The following MGRN1 variants were observed in gnomAD, a reference collection of about 807,000 sequenced individuals.
MGRN1 encodes mahogunin ring finger 1, also known as E3 ubiquitin-protein ligase MGRN1.
In MGRN1, 29 loss-of-function variants were observed where a neutral mutation model predicts 69.2. The ratio of observed to expected loss-of-function variants is 0.42; its 90% CI spans 0.31 to 0.57. The LOEUF is 0.57. Ranked by LOEUF, MGRN1 falls within the 20% of genes least tolerant of loss-of-function variation. The pLI, the probability that MGRN1 is intolerant of heterozygous loss-of-function variation, is 0.15. For synonymous variants in MGRN1, 470 were observed against 344.2 expected (o/e 1.37, Z -4.04); for missense variants, 998 against 796.2 (o/e 1.25, Z -3.05).
chr16:4,646,944 C>T (rs1267351390), intron 1 of MGRN1, among the ~76,000 whole-genome samples: 3 of 152,200 alleles, frequency 2.0e-5, no homozygotes, highest in Admixed American at 6.5e-5. Flanking sequence ...CAAGCCCGCT[C>T]CTGAGTGTCC....
At chr16:4,625,955 C>T (rs1204524301) in intron 1 of MGRN1, among the ~76,000 whole-genome samples, 1 of 152,204 alleles carries the variant, frequency 6.6e-6, no homozygotes, top group South Asian at 2.1e-4. Flanking sequence ...TCCTGGGTGT[C>T]TCCGGACACC....
intron 8 of MGRN1, chr16:4,669,111 C>G (rs1043094057): frequency 2.6e-5 from 4 of 152,128 alleles, no homozygotes; most frequent in African/African-American, 9.7e-5. Context: ...ACTGGTCTTC[C>G]TAGGCTACCC....
chr16:4,636,765 G>C (rs1029662872), intron 1 of MGRN1, among the ~76,000 whole-genome samples: 1 of 151,908 alleles, frequency 6.6e-6, no homozygotes, highest in Non-Finnish European at 1.5e-5. Context: ...TTCTCTATGC[G>C]AATTGGCCAT....
At chr16:4,677,654 C>G in intron 11 of MGRN1, 82 bp downstream of exon 11, 1 of 1,320,178 alleles carries the variant, frequency 7.6e-7, no homozygotes, top group Non-Finnish European at 1.1e-6. Flanking sequence ...GACGGTCCAG[C>G]CAGCAGCCCC....
intron 16 of MGRN1, chr16:4,686,257 A>C (rs756740119): frequency 6.5e-7 from 1 of 1,543,410 alleles, no homozygotes; most frequent in South Asian, 1.2e-5. Context: ...CTCTCCGCGC[A>C]GCCCTGGGGC....
At chr16:4,663,372 T>TG (rs1379485139) in intron 5 of MGRN1, among the ~76,000 whole-genome samples, 4 of 128,960 alleles carry the variant, frequency 3.1e-5, no homozygotes, top group Non-Finnish European at 5.3e-5. Flanking sequence ...CTTGTTTTTT[T>TG]TTTTTTTTTT....
chr16:4,664,647 G>T, intron 5 of MGRN1, 62 bp from the exon 6 acceptor site: 1 of 1,566,590 alleles, frequency 6.4e-7, no homozygotes, highest in South Asian at 1.1e-5. Flanking sequence ...TTTGTTGACC[G>T]ACTCCAGGCT....
intron 16 of MGRN1, chr16:4,686,917 C>T (rs2079333927): frequency 4.1e-6 from 4 of 985,458 alleles, no homozygotes; most frequent in African/African-American, 1.7e-5. Context: ...GTCCCTGTCT[C>T]TTGGAGGGAG....
chr16:4,638,542 C>A (rs952601985), intron 1 of MGRN1, among the ~76,000 whole-genome samples: 1 of 152,152 alleles, frequency 6.6e-6, no homozygotes, highest in Admixed American at 6.5e-5. Context: ...GGCAGGGAAG[C>A]ATGGTAGGCC....
chr16:4,656,219 T>C (rs1055208161), intron 4 of MGRN1, among the ~76,000 whole-genome samples: 1 of 152,230 alleles, frequency 6.6e-6, no homozygotes, highest in African/African-American at 2.4e-5. Context: ...CACTCGTGCC[T>C]GTGGCTAAGA....
rs772237942 is a variant in MGRN1 at position 4,683,889 on chromosome 16, C to T, written c.1575C>T (p.Pro525=). 1.9e-5 allele frequency: 31 copies of T among 1,611,414 alleles called. No homozygotes were observed. In the Admixed American group the frequency reaches 2.3e-4, roughly 12 times the overall value. The change falls in exon 16 of 17, where the codon CCC becomes CCT. Residue 525 remains proline, a synonymous_variant. Coordinates refer to ENST00000262370, the MANE Select transcript of MGRN1 (RefSeq NM_015246.4). ...AGAATGTCCTGCAGGACAGCAGCCC[C>T]GAGCACTGTGGCCGAGGCCCACCTG... ...SIENVLQDSS[P]EHCGRGPPAD...
At chr16:4,678,187 G>A (rs2079095367) in intron 11 of MGRN1, among the ~76,000 whole-genome samples, 1 of 152,202 alleles carries the variant, frequency 6.6e-6, no homozygotes, top group South Asian at 2.1e-4. Context: ...TCCCCCATGC[G>A]CTGCTGTGCA....
At position 4,668,692 on chromosome 16, in the gene MGRN1, A is replaced by T. The variant is rs541271458; in HGVS notation, c.726+380A>T. ...CACATATACATAGACACACTCGTACACATACACACATACACTCACACTCAC... is the reference window on the plus strand; with the variant it reads ...CACATATACATAGACACACTCGTACTCATACACACATACACTCACACTCAC... On this transcript the variant is annotated intron_variant, in intron 8 of 16. Transcript: ENST00000262370. Among the ~76,000 whole-genome samples the T allele has an allele frequency of 3.3e-5, 5 of 150,814 alleles. No individual in the cohort carries two copies. The South Asian group carries it at 1.0e-3, about 31-fold the overall frequency.
At chr16:4,677,795 G>A (rs1042279394) in intron 11 of MGRN1, among the ~76,000 whole-genome samples, 15 of 151,004 alleles carry the variant, frequency 9.9e-5, no homozygotes, top group African/African-American at 2.7e-4. Context: ...CAGAGCCTGC[G>A]ACAAGGCTGA....
At chr16:4,674,715 A>G (rs945239619) in intron 10 of MGRN1, among the ~76,000 whole-genome samples, 3 of 124,452 alleles carry the variant, frequency 2.4e-5, no homozygotes, top group Admixed American at 1.1e-4. Flanking sequence ...ATCTCGGCTC[A>G]CTGCAAGCTC....
At chr16:4,654,499 G>C (rs929865126) in intron 4 of MGRN1, among the ~76,000 whole-genome samples, 1 of 152,272 alleles carries the variant, frequency 6.6e-6, no homozygotes, top group Non-Finnish European at 1.5e-5. Flanking sequence ...TGTGCCCCAA[G>C]TGGCTTTAGA....
At chr16:4,685,718 T>A (rs2079296990) in intron 16 of MGRN1, among the ~76,000 whole-genome samples, 1 of 152,232 alleles carries the variant, frequency 6.6e-6, no homozygotes, top group Non-Finnish European at 1.5e-5. Context: ...TTCCACTGAC[T>A]TTTTCACATC....
At chr16:4,651,462 G>A (rs1195553831) in intron 2 of MGRN1, among the ~76,000 whole-genome samples, 1 of 152,188 alleles carries the variant, frequency 6.6e-6, no homozygotes, top group African/African-American at 2.4e-5. Flanking sequence ...TGGGAAGGGG[G>A]CCCCTCCAGA....
chr16:4,663,494 T>C (rs1220569265), intron 5 of MGRN1, among the ~76,000 whole-genome samples: 2 of 151,616 alleles, frequency 1.3e-5, no homozygotes, highest in Non-Finnish European at 2.9e-5. Flanking sequence ...CCAGCATCTG[T>C]TCTTTCAGTA....
Sources: gnomAD v4.1 joint callset for allele counts (sites outside exome capture counted in the v4.1 genomes callset) on GRCh38, gnomAD v4.1.1 for gene constraint, MANE v1.5 for transcripts, NCBI Gene and HGNC (gene_info 2026-07-23, HGNC 2026-07-21) for gene names.